PKD2: variants seen among roughly 807,000 people sequenced by gnomAD.
PKD2 encodes polycystin 2, transient receptor potential cation channel, also known as polycystin-2.
Under a neutral mutation model 105.9 loss-of-function variants are expected in PKD2, and 48 were observed. The observed-to-expected ratio is 0.45, with a 90% CI of 0.36 to 0.58. The LOEUF (loss-of-function observed/expected upper bound fraction) is 0.58. PKD2 is among the 20% of genes least tolerant of loss of function. The pLI, the probability that PKD2 is intolerant of heterozygous loss-of-function variation, is 0.00. For missense variants in PKD2, 1,078 were observed against 1,255.3 expected, an observed-to-expected ratio of 0.86 and a Z score of 2.13; for synonymous variants, 464 against 481.1, an observed-to-expected ratio of 0.96 and a Z score of 0.46.
chr4:88,037,685 C>G (rs1727386697), intron 3 of PKD2, among the ~76,000 whole-genome samples: 1 of 152,170 alleles, frequency 6.6e-6, no homozygotes, highest in Non-Finnish European at 1.5e-5. Context: ...ATCTGTCTTC[C>G]CTACAGGCAT....
At chr4:88,046,380 T>C (rs906294235) in intron 5 of PKD2, among the ~76,000 whole-genome samples, 7 of 152,152 alleles carry the variant, frequency 4.6e-5, no homozygotes, top group African/African-American at 1.7e-4. Flanking sequence ...AGCGTAAATA[T>C]AGAAAAGTGT....
intron 9 of PKD2, among the ~76,000 whole-genome samples, chr4:88,058,925 C>T (rs762295426): frequency 5.9e-5 from 9 of 152,010 alleles, no homozygotes; most frequent in Non-Finnish European, 1.0e-4. Flanking sequence ...TATTTTTCAT[C>T]TAAACACTAA....
intron 12 of PKD2, among the ~76,000 whole-genome samples, chr4:88,066,180 G>A (rs902904719): frequency 6.6e-6 from 1 of 152,086 alleles, no homozygotes; most frequent in African/African-American, 2.4e-5. Flanking sequence ...AAACACATAT[G>A]CTTATTAAGA....
chr4:88,055,228 C>A (rs1297192520), intron 7 of PKD2, among the ~76,000 whole-genome samples: 3 of 152,220 alleles, frequency 2.0e-5, no homozygotes, highest in African/African-American at 7.2e-5. Flanking sequence ...TCAGACATTG[C>A]AGAGATTTGA....
At chr4:88,042,840 G>A (rs1009276521) in intron 4 of PKD2, among the ~76,000 whole-genome samples, 7 of 152,174 alleles carry the variant, frequency 4.6e-5, no homozygotes, top group African/African-American at 1.7e-4. Flanking sequence ...TGATGAACTT[G>A]TCCCTCTTTT....
At chr4:88,041,093 A>C (rs1291371162) in intron 4 of PKD2, among the ~76,000 whole-genome samples, 2 of 152,194 alleles carry the variant, frequency 1.3e-5, no homozygotes, top group Non-Finnish European at 2.9e-5. Context: ...CTTGTGATTT[A>C]ATATGCCCCA....
chr4:88,029,766 C>G (rs1727081168), intron 2 of PKD2, among the ~76,000 whole-genome samples: 1 of 152,216 alleles, frequency 6.6e-6, no homozygotes, highest in African/African-American at 2.4e-5. Flanking sequence ...AGGAAGGCCT[C>G]TGTGAAGCCT....
At chr4:88,075,304 A>G (rs1216400512) in intron 14 of PKD2, among the ~76,000 whole-genome samples, 154 bp from the exon 15 acceptor site, 1 of 152,206 alleles carries the variant, frequency 6.6e-6, no homozygotes, top group East Asian at 1.9e-4. Flanking sequence ...ACTGCAGGGT[A>G]GAATTAAGTG....
rs1726211803 is a variant in PKD2 at position 88,007,638 on chromosome 4, CGGCGGCGGGCGCCGGGAAGAAAGGAACAT to C, written c.-92_-64del. 14 of 764,304 alleles carry C rather than the reference CGGCGGCGGGCGCCGGGAAGAAAGGAACAT, an allele frequency of 1.8e-5. No homozygotes were observed. Among genetic ancestry groups the C allele is most frequent in the Non-Finnish European group, 2.0e-5 (12 of 613,860 alleles). The allele number at this position is 764,304 out of a possible 1,614,324, so 47.3% of individuals were successfully genotyped here. On this transcript the variant is annotated 5_prime_UTR_variant, in exon 1 of 15. The change abolishes an upstream ATG in the 5' untranslated region. Transcript: ENST00000237596. Reference sequence around the variant, plus strand: ...GGGGAGGTCGGGGGCGGGGAGCAGGCGGCGGCGGGCGCCGGGAAGAAAGGAACATGGCTCCTGAGGCGCACAGCGCCGAG... The same window carrying C: ...GGGGAGGTCGGGGGCGGGGAGCAGGCGGCTCCTGAGGCGCACAGCGCCGAG...
At chr4:88,039,510 C>CA (rs1727474702) in intron 4 of PKD2, among the ~76,000 whole-genome samples, 1 of 151,756 alleles carries the variant, frequency 6.6e-6, no homozygotes, top group Non-Finnish European at 1.5e-5. Flanking sequence ...ACTAAAAATA[C>CA]AAAAATTAGC....
At chr4:88,053,704 A>G (rs184375998) in intron 7 of PKD2, among the ~76,000 whole-genome samples, 1 of 151,718 alleles carries the variant, frequency 6.6e-6, no homozygotes, top group Non-Finnish European at 1.5e-5. Flanking sequence ...TTCTCATGCT[A>G]TTTATTTATT....
intron 13 of PKD2, among the ~76,000 whole-genome samples, chr4:88,074,521 A>G (rs1280661131): frequency 6.6e-6 from 1 of 152,194 alleles, no homozygotes; most frequent in Admixed American, 6.5e-5. Context: ...AATTACACAT[A>G]TATAAAATTT....
In PKD2 at chr4:88,042,326, A is replaced by C. The variant is rs1177836684; in HGVS notation, c.1095-907A>C. Among the ~76,000 whole-genome samples, 3 of 152,312 alleles carry C rather than the reference A, an allele frequency of 2.0e-5. No homozygotes were observed. The East Asian group carries it at 5.8e-4, about 29-fold the overall frequency. ...TTGTGCAGGGAAAATCCCACTTATA[A>C]AACCATCAGATCTCGTGAGACTTAC... On this transcript the variant is annotated intron_variant, in intron 4 of 14. Coordinates refer to ENST00000237596, the MANE Select transcript of PKD2 (RefSeq NM_000297.4).
In PKD2 at chr4:88,056,151, C is replaced by G; in HGVS notation, c.1782C>G (p.Ala594=). ...SQLSTTMSRC[A]KDLFGFAIMF... ...TCTCGACAACCATGTCTCGATGTGCCAAAGACCTGTTTGGCTTTGCTATTA... is the reference window on the plus strand; with the variant it reads ...TCTCGACAACCATGTCTCGATGTGCGAAAGACCTGTTTGGCTTTGCTATTA... The change falls in exon 8 of 15, where the codon GCC becomes GCG. Residue 594 remains alanine, a synonymous_variant. Transcript: ENST00000237596. The G allele has an allele frequency of 6.2e-7, 1 of 1,613,288 alleles. No individual in the cohort carries two copies. Among genetic ancestry groups the G allele is most frequent in the Non-Finnish European group, 8.5e-7 (1 of 1,179,278 alleles).
At chr4:88,027,796 T>C (rs2110096924) in intron 2 of PKD2, among the ~76,000 whole-genome samples, 2 of 147,478 alleles carry the variant, frequency 1.4e-5, no homozygotes, top group South Asian at 4.4e-4. Flanking sequence ...AGTGAGGGAG[T>C]TCTCATGAGA....
At chr4:88,070,800 TTTTAAAAAAAAA>T (rs1375263035) in intron 13 of PKD2, among the ~76,000 whole-genome samples, 1 of 148,812 alleles carries the variant, frequency 6.7e-6, no homozygotes, top group Non-Finnish European at 1.5e-5. Flanking sequence ...CCTGGCTAAT[TTTTAAAAAAAAA>T]TTTGTAGAGA....
chr4:88,014,467 C>A (rs1185378724), intron 1 of PKD2, among the ~76,000 whole-genome samples: 3 of 133,656 alleles, frequency 2.2e-5, no homozygotes, highest in Admixed American at 7.9e-5. Context: ...GCCTGGGCAA[C>A]ATAGCAAGAC....
At chr4:88,014,485 C>CA (rs1726494241) in intron 1 of PKD2, among the ~76,000 whole-genome samples, 2 of 40,386 alleles carry the variant, frequency 5.0e-5, no homozygotes, top group African/African-American at 2.7e-4. Context: ...GACACTGTCT[C>CA]TAAAAAAAAA....
At chr4:88,053,822 G>A (rs1720206177) in intron 7 of PKD2, among the ~76,000 whole-genome samples, 1 of 151,994 alleles carries the variant, frequency 6.6e-6, no homozygotes, top group Non-Finnish European at 1.5e-5. Flanking sequence ...ATGTTCTGTG[G>A]TGATGGAAAT....
Sources: allele counts gnomAD v4.1 joint callset (sites outside exome capture counted in the v4.1 genomes callset), GRCh38; gene constraint gnomAD v4.1.1; transcripts MANE v1.5; gene names NCBI Gene and HGNC (gene_info 2026-07-23, HGNC 2026-07-21).